ROBO2: variants seen among roughly 807,000 people sequenced by gnomAD.
ROBO2 encodes roundabout guidance receptor 2, also known as roundabout homolog 2.
A neutral mutation model predicts 160.8 loss-of-function variants in ROBO2; 53 were observed. That is an observed-to-expected ratio of 0.33 (90% confidence interval 0.26 to 0.41). The LOEUF (loss-of-function observed/expected upper bound fraction) is 0.41, where lower values mean the gene tolerates loss of function less well. ROBO2 is among the 10% of genes least tolerant of loss of function. ROBO2 has a pLI of 1.00. For missense variants in ROBO2, 1,577 were observed against 1,722.4 expected (o/e 0.92, Z 1.49); for synonymous variants, 664 against 611.7 (o/e 1.09, Z -1.26).
chr3:77,433,488 A>G (rs1253178630), intron 2 of ROBO2, among the ~76,000 whole-genome samples: 10 of 40,640 alleles, frequency 2.5e-4, no homozygotes, highest in African/African-American at 1.7e-3. Context: ...GGCAACTTGT[A>G]TATATATATA....
intron 2 of ROBO2, among the ~76,000 whole-genome samples, chr3:76,574,540 C>T (rs1043679023): frequency 1.3e-5 from 2 of 151,964 alleles, no homozygotes; most frequent in African/African-American, 4.8e-5. Context: ...TTGCCAAGAA[C>T]AAATGTATCA....
intron 2 of ROBO2, among the ~76,000 whole-genome samples, chr3:77,269,044 T>A (rs571435293): frequency 5.9e-5 from 9 of 152,338 alleles, no homozygotes; most frequent in Admixed American, 5.2e-4. Flanking sequence ...CTTAATTCAG[T>A]AGGAATATAA....
At chr3:77,514,228 A>G (rs1357411267) in intron 5 of ROBO2, among the ~76,000 whole-genome samples, 2 of 151,762 alleles carry the variant, frequency 1.3e-5, no homozygotes, top group African/African-American at 4.8e-5. Flanking sequence ...GACTTCTTAA[A>G]GAATGCTAAA....
At chr3:76,094,298 T>A (rs2069353227) in intron 2 of ROBO2, among the ~76,000 whole-genome samples, 1 of 152,202 alleles carries the variant, frequency 6.6e-6, no homozygotes, top group African/African-American at 2.4e-5. Context: ...GCGCTCTTAA[T>A]CCTCAGAAGC....
intron 2 of ROBO2, among the ~76,000 whole-genome samples, chr3:76,291,477 C>G (rs1232275249): frequency 1.3e-5 from 2 of 152,034 alleles, no homozygotes; most frequent in Non-Finnish European, 2.9e-5. Context: ...AAGGAACCAA[C>G]CTGTTGCTTT....
intron 2 of ROBO2, among the ~76,000 whole-genome samples, chr3:77,242,810 T>C (rs867685859): frequency 1.3e-5 from 2 of 151,288 alleles, no homozygotes; most frequent in African/African-American, 4.9e-5. Context: ...CCATATCTAG[T>C]AGAGTCTTCA....
At chr3:77,141,920 G>C (rs771013406) in intron 2 of ROBO2, among the ~76,000 whole-genome samples, 26 of 152,154 alleles carry the variant, frequency 1.7e-4, no homozygotes, top group Non-Finnish European at 3.2e-4. Context: ...TTTACTAATT[G>C]CATAAACTGG....
intron 2 of ROBO2, among the ~76,000 whole-genome samples, chr3:76,282,488 A>T (rs1195725509): frequency 6.6e-6 from 1 of 152,050 alleles, no homozygotes; most frequent in African/African-American, 2.4e-5. Flanking sequence ...TTTCTAAAAA[A>T]TAGCTAGTCA....
chr3:77,361,536 G>A (rs2153468014), intron 2 of ROBO2, among the ~76,000 whole-genome samples: 1 of 152,228 alleles, frequency 6.6e-6, no homozygotes, highest in Admixed American at 6.5e-5. Context: ...AGTTCTGGGT[G>A]CTGGGACCTC....
At chr3:76,134,312 A>C (rs1471094893) in intron 2 of ROBO2, among the ~76,000 whole-genome samples, 1 of 152,082 alleles carries the variant, frequency 6.6e-6, no homozygotes, top group Non-Finnish European at 1.5e-5. Context: ...GTAAATACAG[A>C]AAACTGGGGC....
intron 8 of ROBO2, among the ~76,000 whole-genome samples, chr3:77,555,949 G>A (rs1277910833): frequency 6.6e-6 from 1 of 151,656 alleles, no homozygotes; most frequent in Non-Finnish European, 1.5e-5. Flanking sequence ...CTACTCATTA[G>A]GGCAGTAAAA....
chr3:77,477,303 C>A, intron 2 of ROBO2, 111 bp from the exon 3 acceptor site: 2 of 1,079,740 alleles, frequency 1.9e-6, no homozygotes, highest in Non-Finnish European at 2.9e-6. Flanking sequence ...CAGTAAAAAT[C>A]CAGGCAATTT....
At chr3:77,375,680 G>C (rs1226819811) in intron 2 of ROBO2, among the ~76,000 whole-genome samples, 1 of 152,174 alleles carries the variant, frequency 6.6e-6, no homozygotes, top group African/African-American at 2.4e-5. Flanking sequence ...ACAGGAGTAT[G>C]TAAAACCCGA....
intron 2 of ROBO2, among the ~76,000 whole-genome samples, chr3:76,449,512 A>G (rs1392381740): frequency 2.0e-5 from 3 of 152,080 alleles, no homozygotes; most frequent in Non-Finnish European, 4.4e-5. Context: ...TTTCATAAGA[A>G]CTTTCTTAAC....
chr3:76,089,063 A>G (rs1464792320), intron 2 of ROBO2, among the ~76,000 whole-genome samples: 1 of 152,060 alleles, frequency 6.6e-6, no homozygotes, highest in African/African-American at 2.4e-5. Context: ...GAACAAATCT[A>G]TGCTTCCAAA....
intron 2 of ROBO2, among the ~76,000 whole-genome samples, chr3:77,404,204 T>C (rs2076070693): frequency 6.6e-6 from 1 of 152,184 alleles, no homozygotes; most frequent in Non-Finnish European, 1.5e-5. Context: ...TTATGGAATA[T>C]AATATCTCAT....
At chr3:76,251,616 A>C (rs1370818588) in intron 2 of ROBO2, among the ~76,000 whole-genome samples, 2 of 152,122 alleles carry the variant, frequency 1.3e-5, no homozygotes, top group Non-Finnish European at 2.9e-5. Flanking sequence ...TATAGGAAAG[A>C]ACTCATGAGC....
At chr3:76,184,552 GATA>G (rs1448734697) in intron 2 of ROBO2, among the ~76,000 whole-genome samples, 2 of 118,412 alleles carry the variant, frequency 1.7e-5, no homozygotes, top group Non-Finnish European at 3.7e-5. Flanking sequence ...GAGATAGATA[GATA>G]GATAGATAGA....
At chr3:77,556,743 A>G (rs74691982) in intron 8 of ROBO2, among the ~76,000 whole-genome samples, 3,314 of 152,058 alleles carry the variant, frequency 0.022, 65 homozygotes, top group South Asian at 0.033. Flanking sequence ...ACAGTTGCTT[A>G]GAAATTATTA....
Sources: gnomAD v4.1 joint callset for allele counts (sites outside exome capture counted in the v4.1 genomes callset) on GRCh38, gnomAD v4.1.1 for gene constraint, MANE v1.5 for transcripts, NCBI Gene and HGNC (gene_info 2026-07-23, HGNC 2026-07-21) for gene names.